PLCD3: variants seen among roughly 807,000 people sequenced by gnomAD.
The protein encoded by PLCD3 is 1-phosphatidylinositol 4,5-bisphosphate phosphodiesterase delta-3.
In PLCD3, 62 loss-of-function variants were observed where a neutral mutation model predicts 82.8. The ratio of observed to expected loss-of-function variants is 0.75; its 90% CI spans 0.61 to 0.93. PLCD3 has a LOEUF of 0.93. Ranked by LOEUF, PLCD3 falls within the 40% of genes least tolerant of loss-of-function variation. The pLI is 0.00. For synonymous variants in PLCD3, 478 were observed against 471.8 expected (o/e 1.01, Z -0.17); for missense variants, 1,023 against 1,103.4 (o/e 0.93, Z 1.03).
chr17:45,121,506 C>A (rs1205222702), intron 1 of PLCD3, 134 bp from the exon 2 acceptor site: 12 of 1,119,876 alleles, frequency 1.1e-5, no homozygotes, highest in Non-Finnish European at 1.5e-5. Flanking sequence ...AAGCTTCCCT[C>A]CCCCTCACAG....
rs1352884590 is a variant in PLCD3 at position 45,112,520 on chromosome 17, G to C, written c.*96C>G. 8.3e-6 allele frequency: 11 copies of C among 1,328,444 alleles called. No homozygotes were observed. The highest frequency in any genetic ancestry group is 1.1e-6 in the Non-Finnish European group (1 of 951,752). 82.3% of individuals were successfully genotyped at this position (1,328,444 alleles called of 1,614,324 possible). ...GTGGGCCAAGTGGGTGGGCTGGGGG[G>C]CTGGTACTCCCACCACCTGACTCCA... is the stretch of plus-strand genomic sequence containing the variant. On this transcript the variant is annotated 3_prime_UTR_variant, in exon 15 of 15. Coordinates refer to ENST00000619929, the MANE Select transcript of PLCD3 (RefSeq NM_133373.5).
At chr17:45,114,048 C>T (rs918598750) in intron 11 of PLCD3, among the ~76,000 whole-genome samples, 3 of 152,084 alleles carry the variant, frequency 2.0e-5, no homozygotes, top group Non-Finnish European at 4.4e-5. Flanking sequence ...TAATTTCTAC[C>T]ATGATAAAAA....
In PLCD3 at chr17:45,116,800, C is replaced by A; in HGVS notation, c.1261-16G>T. The A allele has an allele frequency of 6.4e-7, 1 of 1,572,608 alleles. No homozygotes were observed. The highest frequency in any genetic ancestry group is 8.6e-7 in the Non-Finnish European group (1 of 1,157,234). On this transcript the variant is annotated splice_polypyrimidine_tract_variant and intron_variant, in intron 7 of 14. Transcript: ENST00000619929. ...AAGGGGACAGCTGTGGGGGGAAGGG[C>A]AGCAGCTCAGAGCCACTCCCCTCCC...
Position 45,112,403 on chromosome 17 carries a change from A to C in PLCD3, c.*213T>G. The C allele has an allele frequency of 3.4e-6, 2 of 593,958 alleles. No homozygotes were observed. Among genetic ancestry groups the C allele is most frequent in the Non-Finnish European group, 6.0e-6 (2 of 333,190 alleles). The allele number at this position is 593,958 out of a possible 1,614,324, so 36.8% of individuals were successfully genotyped here. A position where few individuals can be genotyped will look rare whatever the true frequency, so the allele number is the denominator to read the frequency against. On this transcript the variant is annotated 3_prime_UTR_variant, in exon 15 of 15. Transcript: ENST00000619929. ...TCTCAGGGCCCCAGGGTTGGAGCTCACTGAAGTCACATGAACACCTTTCTG... is the reference window on the plus strand; with the variant it reads ...TCTCAGGGCCCCAGGGTTGGAGCTCCCTGAAGTCACATGAACACCTTTCTG...
rs189370359 is a variant in PLCD3 at position 45,114,511 on chromosome 17, G to A, written c.1712-145C>T. ...CTCACTCTCTTCTGACCTAGAGTGAGAGGGGAGCTCACTGAGGAGGCTGCA... is the reference window on the plus strand; with the variant it reads ...CTCACTCTCTTCTGACCTAGAGTGAAAGGGGAGCTCACTGAGGAGGCTGCA... On this transcript the variant is annotated intron_variant, in intron 10 of 14. Transcript: ENST00000619929. 4.5e-5 allele frequency: 27 copies of A among 600,280 alleles called. No homozygotes were observed. The East Asian group carries it at 8.3e-4, about 18-fold the overall frequency. 37.2% of individuals were successfully genotyped at this position (600,280 alleles called of 1,614,324 possible).
In PLCD3 at chr17:45,111,277, A is replaced by C. The variant is rs2054239709; in HGVS notation, c.*1339T>G. ...TTGGGATTTGCCCTACTGAGCAGAC[A>C]GGGGCCTTGAGCCCAGCCAAGCCTG... On this transcript the variant is annotated 3_prime_UTR_variant, in exon 15 of 15. Coordinates refer to ENST00000619929, the MANE Select transcript of PLCD3 (RefSeq NM_133373.5). 1 of 152,186 alleles carries C rather than the reference A, an allele frequency of 6.6e-6. No individual in the cohort carries two copies. The highest frequency in any genetic ancestry group is 2.4e-5 in the African/African-American group (1 of 41,438). 9.4% of individuals were successfully genotyped at this position (152,186 alleles called of 1,614,324 possible). A position where few individuals can be genotyped will look rare whatever the true frequency, so the allele number is the denominator to read the frequency against.
At chr17:45,112,751 G>T (rs749191322) in intron 14 of PLCD3, 47 bp from the exon 15 acceptor site, 17 of 1,590,132 alleles carry the variant, frequency 1.1e-5, no homozygotes, top group Admixed American at 3.6e-5. Context: ...CACCCTGGGG[G>T]TCTGGCCCAG....
rs999883134 is a variant in PLCD3, at chr17:45,118,721, C to T, written c.913+94G>A. ...TCTGGAGGAGGTGAGGTAACCTGCC[C>T]GAGATGATGCCCGCGCCAGCCCGCA... On this transcript the variant is annotated intron_variant, in intron 5 of 14. Coordinates refer to ENST00000619929, the MANE Select transcript of PLCD3 (RefSeq NM_133373.5). This position sits in a 1 kb window ranked among gnomAD's most constrained non-coding sequence, Gnocchi z 4.1. 8.2e-6 allele frequency: 11 copies of T among 1,337,066 alleles called. No individual in the cohort carries two copies. The highest frequency in any genetic ancestry group is 2.3e-5 in the Admixed American group (1 of 43,374). 82.8% of individuals were successfully genotyped at this position (1,337,066 alleles called of 1,614,324 possible).
In PLCD3 at chr17:45,120,976, C is replaced by T. The variant is rs958938893; in HGVS notation, c.480G>A (p.Ala160=). Reference sequence around the variant, plus strand: ...TGGTCAGACCGCGCACCCAGCGCTGCGCTTCCTCAGCCGTGGGCGCCGCCA... The same window carrying T: ...TGGTCAGACCGCGCACCCAGCGCTGTGCTTCCTCAGCCGTGGGCGCCGCCA... The part of the protein sequence containing the change: ...LDLAAPTAEE[A]QRWVRGLTKL... The change falls in exon 3 of 15, where the codon GCG becomes GCA. Residue 160 remains alanine (A), a synonymous_variant. Coordinates refer to ENST00000619929, the MANE Select transcript of PLCD3 (RefSeq NM_133373.5). 1 of 1,527,466 alleles carries T rather than the reference C, an allele frequency of 6.5e-7. No individual in the cohort carries two copies. Among genetic ancestry groups the T allele is most frequent in the Non-Finnish European group, 8.7e-7 (1 of 1,144,310 alleles). 94.6% of individuals were successfully genotyped at this position (1,527,466 alleles called of 1,614,324 possible). A position where few individuals can be genotyped will look rare whatever the true frequency, so the allele number is the denominator to read the frequency against.
intron 4 of PLCD3, 43 bp from the exon 5 acceptor site, chr17:45,119,086 G>A: frequency 1.3e-6 from 2 of 1,502,660 alleles, no homozygotes; most frequent in Non-Finnish European, 1.8e-6. Context: ...AGACACTCCA[G>A]GAAACCTGGC....
At position 45,115,423 on chromosome 17, in the gene PLCD3, G is replaced by T; in HGVS notation, c.1481C>A (p.Ala494Asp). ...CTCCTCCTCCTCCCGATCCGACAGA[G>T]CCCGGCCATCCTCGCTCCGAGCAGC... Reference protein sequence around the residue: ...LPAARSEDGRALSDREEEEED... With the variant: ...LPAARSEDGRDLSDREEEEED... Residue 494 changes from alanine to aspartate, a missense_variant, in exon 9 of 15, where the codon GCT becomes GAT. By Grantham distance (126) the Ala-to-Asp change is moderately radical (BLOSUM62 -2). Coordinates refer to ENST00000619929, the MANE Select transcript of PLCD3 (RefSeq NM_133373.5). 1.2e-6 allele frequency: 2 copies of T among 1,611,852 alleles called. No individual in the cohort carries two copies.
rs1567880495 is a variant in PLCD3, at chr17:45,119,019, GGTCGTT to G, written c.703_708del (p.Asn235_Asp236del). 1.2e-6 allele frequency: 2 copies of G among 1,610,440 alleles called. No homozygotes were observed. Among genetic ancestry groups the G allele is most frequent in the Admixed American group, 3.4e-5 (2 of 59,682 alleles). On this transcript the variant is annotated inframe_deletion, in exon 5 of 15. Transcript: ENST00000619929. ...TCCTCGATCTCAGCCCCCTCTAGAC[GGTCGTT>G]GTTGGAGTGGTCACACTCCTGGGGA...
chr17:45,112,206 A>G lies in PLCD3; in HGVS notation c.*410T>C. ...AGGGGCTAAGCTCGGGGTCGGGGCC[A>G]AGTGGAGTGACTGCGCTCCTCTGGG... On this transcript the variant is annotated 3_prime_UTR_variant, in exon 15 of 15. Transcript: ENST00000619929. 4.8e-6 allele frequency: 1 copy of G among 207,212 alleles called. No individual in the cohort carries two copies. The highest frequency in any genetic ancestry group is 9.8e-6 in the Non-Finnish European group (1 of 101,616). The allele number at this position is 207,212 out of a possible 1,614,324, so 12.8% of individuals were successfully genotyped here. A position where few individuals can be genotyped will look rare whatever the true frequency, so the allele number is the denominator to read the frequency against.
In PLCD3 at chr17:45,121,243, C is replaced by T; in HGVS notation, c.293G>A (p.Arg98Gln). Residue 98 changes from arginine (R) to glutamine (Q), a missense_variant, in exon 2 of 15, where the codon CGG (arginine) becomes CAG (glutamine). Coordinates refer to ENST00000619929, the MANE Select transcript of PLCD3 (RefSeq NM_133373.5). ...CTGCGATGGCGCACGCGGGATGCGC[C>T]GCTGGAACCACACGCTCAGGCCGTC... ...QEDGLSVWFQRRIPRAPSQHI... is the reference protein window; with the variant it reads ...QEDGLSVWFQQRIPRAPSQHI... The T allele has an allele frequency of 6.3e-7, 1 of 1,591,620 alleles. No individual in the cohort carries two copies. Among genetic ancestry groups the T allele is most frequent in the Non-Finnish European group, 8.5e-7 (1 of 1,176,956 alleles).
intron 1 of PLCD3, among the ~76,000 whole-genome samples, chr17:45,127,410 C>T (rs965226695): frequency 1.3e-5 from 2 of 152,202 alleles, no homozygotes; most frequent in African/African-American, 4.8e-5. Context: ...TCTCAACTTC[C>T]ACCTGCAGCC....
intron 11 of PLCD3, 116 bp from the exon 12 acceptor site, chr17:45,113,721 G>T: frequency 7.8e-7 from 1 of 1,281,706 alleles, no homozygotes; most frequent in Non-Finnish European, 1.1e-6. Flanking sequence ...TCTGCTTAGT[G>T]CTGCTCTGCT....
chr17:45,113,621 G>T lies in PLCD3; in HGVS notation c.1829-16C>A, dbSNP rs376535864. On this transcript the variant is annotated splice_polypyrimidine_tract_variant and intron_variant, in intron 11 of 14. Transcript: ENST00000619929. ...TTCAAGGCCACTGTGGACACAGCAG[G>T]GTCAGAGCAGGGGCTCTTAGCGGCC... is the stretch of plus-strand genomic sequence containing the variant. The T allele has an allele frequency of 5.8e-6, 9 of 1,552,806 alleles. No homozygotes were observed. Among genetic ancestry groups the T allele is most frequent in the South Asian group, 2.4e-5 (2 of 84,080 alleles).
At position 45,121,359 on chromosome 17, in the gene PLCD3, G is replaced by A. The variant is rs1263830468; in HGVS notation, c.177C>T (p.Asp59=). The change falls in exon 2 of 15, where the codon GAC becomes GAT. Residue 59 remains aspartate, a synonymous_variant. Transcript: ENST00000619929. ...CCCGCAGCATGGCGCGCACGTCCTCGTCCTCCGTCAGGCCTGGCGGGGCGG... is the reference window on the plus strand; with the variant it reads ...CCCGCAGCATGGCGCGCACGTCCTCATCCTCCGTCAGGCCTGGCGGGGCGG... ...RALKKMGLTE[D]EDVRAMLRGS... 3 of 1,529,120 alleles carry A rather than the reference G, an allele frequency of 2.0e-6. No homozygotes were observed. Among genetic ancestry groups the A allele is most frequent in the Non-Finnish European group, 2.6e-6 (3 of 1,145,398 alleles). The allele number at this position is 1,529,120 out of a possible 1,614,324, so 94.7% of individuals were successfully genotyped here. A position where few individuals can be genotyped will look rare whatever the true frequency, so the allele number is the denominator to read the frequency against.
intron 1 of PLCD3, among the ~76,000 whole-genome samples, chr17:45,123,731 G>A (rs1009239178): frequency 1.3e-5 from 2 of 152,166 alleles, no homozygotes; most frequent in African/African-American, 4.8e-5. Context: ...GAAAATCAGG[G>A]TCTCAGGGGC....
Sources: gnomAD v4.1 joint callset for allele counts (sites outside exome capture counted in the v4.1 genomes callset) on GRCh38, gnomAD v4.1.1 for gene constraint, Gnocchi (gnomAD v3.1) non-coding constraint, MANE v1.5 for transcripts, NCBI Gene and HGNC (gene_info 2026-07-23, HGNC 2026-07-21) for gene names.